The following NEDD4L variants were observed in gnomAD, a reference collection of about 807,000 sequenced individuals.
The protein encoded by NEDD4L is E3 ubiquitin-protein ligase NEDD4-like.
A neutral mutation model predicts 148.9 loss-of-function variants in NEDD4L; 54 were observed. The observed-to-expected ratio is 0.36, with a 90% confidence interval of 0.29 to 0.45. The LOEUF is 0.45. Ranked by LOEUF, NEDD4L falls within the 20% of genes least tolerant of loss-of-function variation. The pLI, the probability that NEDD4L is intolerant of heterozygous loss-of-function variation, is 1.00. For synonymous variants in NEDD4L, 433 were observed against 440.7 expected, an observed-to-expected ratio of 0.98 and a Z score of 0.22; for missense variants, 856 against 1,233.8, an observed-to-expected ratio of 0.69 and a Z score of 4.59.
intron 1 of NEDD4L, among the ~76,000 whole-genome samples, chr18:58,074,970 C>T (rs1276725952): frequency 6.6e-6 from 1 of 152,024 alleles, no homozygotes; most frequent in African/African-American, 2.4e-5. Context: ...GAAGCTTCTC[C>T]ATAGGTGAAG....
Position 58,256,244 on chromosome 18 carries a change from C to T in NEDD4L, c.297+4190C>T, listed in dbSNP as rs1600307375. ...GCACCGCGCCTCCAGCGCCGACGTG[C>T]GCCAGGTGAGGCTGCTGCCCCTGGG... On this transcript the variant is annotated intron_variant, in intron 5 of 30. Transcript: ENST00000400345. The surrounding 1 kb of genome is among the most constrained non-coding windows in gnomAD (Gnocchi z 5.2). 8 of 1,230,060 alleles carry T rather than the reference C, an allele frequency of 6.5e-6. No individual in the cohort carries two copies. In the East Asian group the frequency reaches 1.9e-4, roughly 29 times the overall value. The allele number at this position is 1,230,060 out of a possible 1,614,324, so 76.2% of individuals were successfully genotyped here. A position where few individuals can be genotyped will look rare whatever the true frequency, so the allele number is the denominator to read the frequency against.
intron 1 of NEDD4L, among the ~76,000 whole-genome samples, chr18:58,051,604 T>C (rs1431913121): frequency 6.6e-6 from 1 of 152,242 alleles, no homozygotes; most frequent in Non-Finnish European, 1.5e-5. Flanking sequence ...TTACAAGATC[T>C]GCATTAAACA....
intron 18 of NEDD4L, among the ~76,000 whole-genome samples, chr18:58,352,591 G>A (rs1211856496): frequency 6.6e-6 from 1 of 152,144 alleles, no homozygotes; most frequent in African/African-American, 2.4e-5. Flanking sequence ...CCTGGGAGGT[G>A]GAGGTTGCGG....
At chr18:58,255,983 G>A (rs971559371) in intron 5 of NEDD4L, 20 of 1,230,752 alleles carry the variant, frequency 1.6e-5, no homozygotes, top group Middle Eastern at 3.1e-4. Flanking sequence ...GGGCGCCGAC[G>A]ATGGGCCTCC....
intron 1 of NEDD4L, among the ~76,000 whole-genome samples, chr18:58,143,387 A>G (rs1386225264): frequency 2.6e-5 from 4 of 152,236 alleles, no homozygotes; most frequent in Non-Finnish European, 4.4e-5. Context: ...CAGTGTCTGT[A>G]GTATTCCTAG....
chr18:58,194,773 G>T (rs559008450), intron 2 of NEDD4L, among the ~76,000 whole-genome samples: 1 of 152,366 alleles, frequency 6.6e-6, no homozygotes, highest in Admixed American at 6.5e-5. Flanking sequence ...TTTTTAAACT[G>T]AGAGAAGGTG....
intron 2 of NEDD4L, chr18:58,227,760 A>T: frequency 2.8e-6 from 1 of 361,526 alleles, no homozygotes; most frequent in Non-Finnish European, 3.8e-6. Context: ...CTGTGGTTTT[A>T]CTTAGCTTAA....
chr18:58,053,941 G>A (rs2081988029), intron 1 of NEDD4L, among the ~76,000 whole-genome samples: 1 of 152,242 alleles, frequency 6.6e-6, no homozygotes, highest in Non-Finnish European at 1.5e-5. Context: ...GTTTTGGCAA[G>A]TGAGTGTTGG....
chr18:58,325,826 T>A (rs945795641), intron 9 of NEDD4L, among the ~76,000 whole-genome samples: 2 of 152,202 alleles, frequency 1.3e-5, no homozygotes, highest in African/African-American at 4.8e-5. Context: ...ACTTTAAAAA[T>A]GGTTTTGTAG....
At chr18:58,301,190 T>G (rs1366890372) in intron 5 of NEDD4L, among the ~76,000 whole-genome samples, 2 of 152,190 alleles carry the variant, frequency 1.3e-5, no homozygotes, top group African/African-American at 4.8e-5. Flanking sequence ...CTTATAGAGC[T>G]CATTTACGTG....
At chr18:58,316,759 T>C (rs1234593436) in intron 6 of NEDD4L, among the ~76,000 whole-genome samples, 1 of 152,210 alleles carries the variant, frequency 6.6e-6, no homozygotes, top group Non-Finnish European at 1.5e-5. Context: ...CCATCTCCTA[T>C]TCCAGCTTCA....
chr18:58,334,396 C>T (rs1189776546), intron 12 of NEDD4L, among the ~76,000 whole-genome samples: 1 of 152,160 alleles, frequency 6.6e-6, no homozygotes, highest in Non-Finnish European at 1.5e-5. Context: ...TTCCAACTCT[C>T]TCATCATTTT....
intron 1 of NEDD4L, chr18:58,149,418 G>A: frequency 6.6e-7 from 1 of 1,512,410 alleles, no homozygotes; most frequent in Admixed American, 2.0e-5. Flanking sequence ...TCACCCGGCA[G>A]TGGAAAGTTA....
intron 5 of NEDD4L, among the ~76,000 whole-genome samples, chr18:58,310,172 C>T (rs1262604741): frequency 6.6e-6 from 1 of 152,190 alleles, no homozygotes; most frequent in Non-Finnish European, 1.5e-5. Context: ...CTGCTGCCTT[C>T]CAGCATGGTT....
At chr18:58,071,778 C>G (rs2082884234) in intron 1 of NEDD4L, among the ~76,000 whole-genome samples, 1 of 152,164 alleles carries the variant, frequency 6.6e-6, no homozygotes, top group African/African-American at 2.4e-5. Context: ...GAATGAGGTG[C>G]AAAGTCATGT....
intron 2 of NEDD4L, among the ~76,000 whole-genome samples, chr18:58,225,532 G>A (rs1379571856): frequency 6.6e-6 from 1 of 152,338 alleles, no homozygotes; most frequent in South Asian, 2.1e-4. Context: ...TAAGAAAGGG[G>A]AGAAGTGTGG....
intron 13 of NEDD4L, among the ~76,000 whole-genome samples, chr18:58,338,556 A>G (rs1055313614): frequency 1.8e-4 from 28 of 152,230 alleles, no homozygotes; most frequent in Admixed American, 1.8e-3. Context: ...AATCAAATTC[A>G]GCGTTCTGTA....
At chr18:58,328,957 C>G (rs1250088427) in intron 9 of NEDD4L, 38 bp from the exon 10 acceptor site, 1 of 1,613,162 alleles carries the variant, frequency 6.2e-7, no homozygotes, top group Admixed American at 1.7e-5. Context: ...ATCTCAACCA[C>G]TTCTCTTCTT....
intron 1 of NEDD4L, among the ~76,000 whole-genome samples, chr18:58,128,388 A>C (rs985877519): frequency 1.3e-5 from 2 of 152,138 alleles, no homozygotes; most frequent in African/African-American, 4.8e-5. Context: ...TTAATAGGTC[A>C]AAGAACCCTC....
Sources: gnomAD v4.1 joint callset for allele counts (sites outside exome capture counted in the v4.1 genomes callset) on GRCh38, gnomAD v4.1.1 for gene constraint, Gnocchi (gnomAD v3.1) non-coding constraint, MANE v1.5 for transcripts, NCBI Gene and HGNC (gene_info 2026-07-23, HGNC 2026-07-21) for gene names.